VKORC1L1: variants seen among roughly 807,000 people sequenced by gnomAD.
VKORC1L1 encodes the protein vitamin K epoxide reductase complex subunit 1-like protein 1.
In VKORC1L1, 2 loss-of-function variants were observed where a neutral mutation model predicts 18.9. The ratio of observed to expected loss-of-function variants is 0.11; its 90% confidence interval spans 0.04 to 0.33. The LOEUF is 0.33. Ranked by LOEUF, VKORC1L1 falls within the 10% of genes least tolerant of loss-of-function variation. The pLI is 1.00. For synonymous variants in VKORC1L1, 96 were observed against 100.0 expected (o/e 0.96, Z 0.24); for missense variants, 123 against 224.1 (o/e 0.55, Z 2.88).
intron 1 of VKORC1L1, among the ~76,000 whole-genome samples, chr7:65,923,757 A>T (rs1789716095): frequency 6.6e-6 from 1 of 152,228 alleles, no homozygotes; most frequent in South Asian, 2.1e-4. Flanking sequence ...GAGCGAAAGA[A>T]GGCAGAAATA....
chr7:65,883,890 G>A (rs904188767), intron 1 of VKORC1L1, among the ~76,000 whole-genome samples: 6 of 152,164 alleles, frequency 3.9e-5, no homozygotes, highest in African/African-American at 1.4e-4. Context: ...CGATTCATAA[G>A]TTTTATTTTG....
At chr7:65,886,844 T>TTG (rs1789022300) in intron 1 of VKORC1L1, among the ~76,000 whole-genome samples, 2 of 134,282 alleles carry the variant, frequency 1.5e-5, no homozygotes, top group Non-Finnish European at 3.2e-5. Flanking sequence ...TCCGAGTTTT[T>TTG]TTTTTTTTTT....
intron 1 of VKORC1L1, among the ~76,000 whole-genome samples, chr7:65,895,496 TATATATATATATATATATATACAC>T (rs1789189892): frequency 2.2e-5 from 2 of 89,986 alleles, no homozygotes; most frequent in Admixed American, 1.3e-4. Context: ...TATATATATA[TATATATATATATATATATATACAC>T]ACACACACAC....
intron 1 of VKORC1L1, among the ~76,000 whole-genome samples, chr7:65,938,812 A>G (rs1789988402): frequency 6.6e-6 from 1 of 152,178 alleles, no homozygotes; most frequent in Admixed American, 6.5e-5. Context: ...GAAGCCTTGA[A>G]ACAGCCGAGT....
chr7:65,932,080 T>C (rs1301483242), intron 1 of VKORC1L1, among the ~76,000 whole-genome samples: 1 of 152,116 alleles, frequency 6.6e-6, no homozygotes, highest in Admixed American at 6.6e-5. Flanking sequence ...GCTTTAGATC[T>C]AAATTGTTCT....
At chr7:65,931,245 G>A (rs1339334574) in intron 1 of VKORC1L1, among the ~76,000 whole-genome samples, 1 of 151,830 alleles carries the variant, frequency 6.6e-6, no homozygotes, top group Non-Finnish European at 1.5e-5. Flanking sequence ...GGTAAAGCTA[G>A]CCTTACAAAA....
rs1424899146 is a variant in VKORC1L1, at chr7:65,917,138, CA to C, written c.195-31527del. On this transcript the variant is annotated intron_variant, in intron 1 of 2. Coordinates refer to ENST00000360768, the MANE Select transcript of VKORC1L1 (RefSeq NM_173517.6). ...CCGTGCACCAAGAGCCCCAACGAGA[CA>C]AAAAAGTGTCCTGGTTACTTTCTCA... Among the ~76,000 whole-genome samples the C allele has an allele frequency of 1.3e-5, 2 of 152,004 alleles. 1 individual carries two copies. The highest frequency in any genetic ancestry group is 4.2e-4 in the South Asian group (2 of 4,808).
intron 1 of VKORC1L1, among the ~76,000 whole-genome samples, chr7:65,904,646 G>T (rs1789374113): frequency 6.6e-6 from 1 of 152,114 alleles, no homozygotes; most frequent in Admixed American, 6.6e-5. Flanking sequence ...ACTGATAGTG[G>T]AAATAAATAG....
chr7:65,954,328 T>G lies in VKORC1L1; in HGVS notation c.*28T>G. ...CCCGACAGACTCCACCCTAACAGTC[T>G]CAAGCCCCTTTCCATTCAGTTTATT... On this transcript the variant is annotated 3_prime_UTR_variant, in exon 3 of 3. Transcript: ENST00000360768. 1 of 1,612,680 alleles carries G rather than the reference T, an allele frequency of 6.2e-7. No individual in the cohort carries two copies. Among genetic ancestry groups the G allele is most frequent in the South Asian group, 1.1e-5 (1 of 90,986 alleles).
At chr7:65,885,892 T>C (rs1789003228) in intron 1 of VKORC1L1, among the ~76,000 whole-genome samples, 1 of 152,224 alleles carries the variant, frequency 6.6e-6, no homozygotes, top group Non-Finnish European at 1.5e-5. Flanking sequence ...TTTGATGAGT[T>C]CTAAGACAAA....
At chr7:65,875,142 A>G (rs1363593251) in intron 1 of VKORC1L1, among the ~76,000 whole-genome samples, 1 of 152,184 alleles carries the variant, frequency 6.6e-6, no homozygotes, top group Non-Finnish European at 1.5e-5. Flanking sequence ...TAGATAACTT[A>G]TTTGCCATGT....
At chr7:65,914,890 C>T (rs148714771) in intron 1 of VKORC1L1, among the ~76,000 whole-genome samples, 74 of 152,064 alleles carry the variant, frequency 4.9e-4, no homozygotes, top group African/African-American at 1.7e-3. Flanking sequence ...CTTGTGGTCC[C>T]AGGTACATGG....
intron 1 of VKORC1L1, among the ~76,000 whole-genome samples, chr7:65,895,201 C>T (rs1371786795): frequency 1.3e-5 from 2 of 151,838 alleles, no homozygotes; most frequent in East Asian, 1.9e-4. Flanking sequence ...AACCAACTTA[C>T]CTTACATAAC....
upstream of VKORC1L1, among the ~76,000 whole-genome samples, chr7:65,871,648 GC>G (rs1359752455): frequency 3.9e-5 from 6 of 152,332 alleles, no homozygotes; most frequent in Admixed American, 3.9e-4. Context: ...GGGTAAGCCT[GC>G]CGCTTCTTAC....
intron 1 of VKORC1L1, among the ~76,000 whole-genome samples, chr7:65,918,592 G>A (rs1789626117): frequency 6.6e-6 from 1 of 152,206 alleles, no homozygotes; most frequent in Non-Finnish European, 1.5e-5. Flanking sequence ...TCAGCCAGGT[G>A]TCAGTAACAC....
At chr7:65,913,653 G>A (rs1038648960) in intron 1 of VKORC1L1, among the ~76,000 whole-genome samples, 9 of 147,888 alleles carry the variant, frequency 6.1e-5, no homozygotes, top group African/African-American at 2.2e-4. Context: ...TTAAACCTGG[G>A]AGGTTGGAGG....
intron 1 of VKORC1L1, among the ~76,000 whole-genome samples, chr7:65,874,909 A>G (rs1313599405): frequency 6.6e-6 from 1 of 152,226 alleles, no homozygotes; most frequent in Non-Finnish European, 1.5e-5. Flanking sequence ...TATATCCTGC[A>G]AGAGCTGCAT....
intron 1 of VKORC1L1, among the ~76,000 whole-genome samples, chr7:65,893,399 G>A (rs1273435684): frequency 6.6e-6 from 1 of 152,026 alleles, no homozygotes; most frequent in Admixed American, 6.5e-5. Context: ...AAATTAGCTG[G>A]ATGTGATAGC....
chr7:65,940,236 GCTGGT>G (rs1336442765), intron 1 of VKORC1L1, among the ~76,000 whole-genome samples: 1 of 151,994 alleles, frequency 6.6e-6, no homozygotes, highest in Non-Finnish European at 1.5e-5. Flanking sequence ...TGTTGCCCAG[GCTGGT>G]CTGGAATTCC....
Sources: gnomAD v4.1 joint callset for allele counts (sites outside exome capture counted in the v4.1 genomes callset) on GRCh38, gnomAD v4.1.1 for gene constraint, MANE v1.5 for transcripts, NCBI Gene and HGNC (gene_info 2026-07-23, HGNC 2026-07-21) for gene names.